Variants in CACNA2D3 observed in about 807,000 individuals in gnomAD.
CACNA2D3 encodes the protein calcium voltage-gated channel auxiliary subunit alpha2delta 3.
In CACNA2D3, 60 loss-of-function variants were observed where a neutral mutation model predicts 160.6. The ratio of observed to expected loss-of-function variants is 0.37; its 90% CI spans 0.30 to 0.46. The LOEUF (loss-of-function observed/expected upper bound fraction) is 0.46. Among genes scored for constraint, CACNA2D3 ranks in the 20% least tolerant of loss-of-function variants. The pLI is 1.00. For missense variants in CACNA2D3, 1,205 were observed against 1,365.0 expected, an observed-to-expected ratio of 0.88 and a Z score of 1.85; for synonymous variants, 558 against 492.9, an observed-to-expected ratio of 1.13 and a Z score of -1.75.
At chr3:55,022,970 TTA>T (rs991213471) in intron 35 of CACNA2D3, among the ~76,000 whole-genome samples, 10 of 152,128 alleles carry the variant, frequency 6.6e-5, no homozygotes, top group South Asian at 2.1e-4. Flanking sequence ...CCTGCATTTT[TTA>T]TATGTTTATA....
At chr3:54,500,470 CATCTTCCTTCCTTCCT>C (rs1311937103) in intron 4 of CACNA2D3, among the ~76,000 whole-genome samples, 3 of 121,844 alleles carry the variant, frequency 2.5e-5, no homozygotes, top group East Asian at 2.5e-4. Context: ...CAGGTCCGTC[CATCTTCCTTCCTTCCT>C]ATCTTCCTTC....
At chr3:54,386,479 T>C (rs1663493521) in intron 3 of CACNA2D3, among the ~76,000 whole-genome samples, 1 of 152,306 alleles carries the variant, frequency 6.6e-6, no homozygotes, top group Non-Finnish European at 1.5e-5. Flanking sequence ...ACGTGTGCAT[T>C]TATAAATGTG....
At chr3:54,687,121 C>CTTTTTCTTTTTCTTTTTCTTTTTTTTTTT in intron 11 of CACNA2D3, among the ~76,000 whole-genome samples, 3 of 94,970 alleles carry the variant, frequency 3.2e-5, no homozygotes, top group African/African-American at 1.2e-4. Context: ...TTTTCTTTTT[C>CTTTTTCTTTTTCTTTTTCTTTTTTTTTTT]TTTTTTTTTT....
At chr3:54,387,252 G>A (rs538903970) in intron 4 of CACNA2D3, among the ~76,000 whole-genome samples, 1 of 152,330 alleles carries the variant, frequency 6.6e-6, no homozygotes, top group South Asian at 2.1e-4. Context: ...ATTTCTTGCA[G>A]TAGATCTTGT....
chr3:54,956,762 T>C (rs1312528636), intron 27 of CACNA2D3, among the ~76,000 whole-genome samples: 2 of 152,146 alleles, frequency 1.3e-5, no homozygotes, highest in African/African-American at 4.8e-5. Context: ...CATTTGAATA[T>C]TTAGATGCAT....
In CACNA2D3 at chr3:54,991,059, G is replaced by A. The variant is rs115978482; in HGVS notation, c.2690+3306G>A. On this transcript the variant is annotated intron_variant, in intron 31 of 37. Transcript: ENST00000474759. Reference sequence around the variant, plus strand: ...GACAGTAATAATCATGGCTGCGTTCGCTGAGCACCCACCAGACTCCAGGCT... The same window carrying A: ...GACAGTAATAATCATGGCTGCGTTCACTGAGCACCCACCAGACTCCAGGCT... Among the ~76,000 whole-genome samples, 1,048 of 152,134 alleles carry A rather than the reference G, an allele frequency of 6.9e-3. 6 individuals are homozygous for A. The highest frequency in any genetic ancestry group is 9.7e-3 in the Non-Finnish European group (662 of 68,010).
In CACNA2D3 at chr3:54,752,871, T is replaced by A. The variant is rs1575458077; in HGVS notation, c.1246+194T>A. 2.0e-5 allele frequency among the ~76,000 whole-genome samples: 3 copies of A among 151,784 alleles called. No homozygotes were observed. The South Asian group carries it at 6.2e-4, about 32-fold the overall frequency. On this transcript the variant is annotated intron_variant, in intron 12 of 37. Transcript: ENST00000474759. The stretch of plus-strand genomic sequence containing the variant: ...TTTTCTGTTCTTTTTTTTTTTATTT[T>A]TTTTTTGTGGACAGAATCTTGCTCT...
At chr3:54,680,374 C>T (rs968117788) in intron 11 of CACNA2D3, among the ~76,000 whole-genome samples, 3 of 152,170 alleles carry the variant, frequency 2.0e-5, no homozygotes, top group African/African-American at 7.2e-5. Context: ...TATATGTTTG[C>T]AAGTTTCTGA....
intron 27 of CACNA2D3, among the ~76,000 whole-genome samples, chr3:54,950,957 C>G (rs115411031): frequency 0.011 from 1,599 of 152,196 alleles, 36 homozygotes; most frequent in African/African-American, 0.036. Context: ...GAAACTGAAG[C>G]CAGGACAGTC....
At chr3:54,440,601 A>G (rs1300820714) in intron 4 of CACNA2D3, among the ~76,000 whole-genome samples, 3 of 151,808 alleles carry the variant, frequency 2.0e-5, no homozygotes, top group African/African-American at 7.3e-5. Context: ...TCGTCATTTA[A>G]CATTAGGTAT....
rs528211805 is a variant in CACNA2D3 at position 54,320,616 on chromosome 3, G to T, written c.321+58G>T. ...TGAAGGCACAAAGGCAGCTTCAGGGGATGGCATTGATGAACCAATCTCTCA... is the reference window on the plus strand; with the variant it reads ...TGAAGGCACAAAGGCAGCTTCAGGGTATGGCATTGATGAACCAATCTCTCA... On this transcript the variant is annotated intron_variant, in intron 3 of 37. Transcript: ENST00000474759. 338 of 773,310 alleles carry T rather than the reference G, an allele frequency of 4.4e-4. 6 individuals carry two copies. In the South Asian group the frequency reaches 6.0e-3, roughly 14 times the overall value. 47.9% of individuals were successfully genotyped at this position (773,310 alleles called of 1,614,324 possible).
At chr3:55,043,286 C>T (rs979937619) in intron 35 of CACNA2D3, among the ~76,000 whole-genome samples, 2 of 150,334 alleles carry the variant, frequency 1.3e-5, no homozygotes, top group Admixed American at 6.6e-5. Flanking sequence ...TTATTCATTC[C>T]TTCCTTCCTT....
At chr3:54,697,581 C>T (rs1032262989) in intron 11 of CACNA2D3, among the ~76,000 whole-genome samples, 3 of 152,192 alleles carry the variant, frequency 2.0e-5, no homozygotes, top group Non-Finnish European at 4.4e-5. Context: ...TTTCCTCTCT[C>T]CTGTTTCTTC....
chr3:54,330,451 C>T (rs1469460980), intron 3 of CACNA2D3, among the ~76,000 whole-genome samples: 1 of 152,090 alleles, frequency 6.6e-6, no homozygotes, highest in African/African-American at 2.4e-5. Context: ...TCATAGACAG[C>T]CCCACTCCAG....
At chr3:54,555,890 A>G (rs543531876) in intron 5 of CACNA2D3, among the ~76,000 whole-genome samples, 1 of 152,364 alleles carries the variant, frequency 6.6e-6, no homozygotes, top group African/African-American at 2.4e-5. Context: ...ATTTTAATCC[A>G]ACTTAGTGCA....
intron 2 of CACNA2D3, among the ~76,000 whole-genome samples, chr3:54,165,600 TAAAAAAAAA>T (rs373085382): frequency 1.1e-5 from 1 of 93,428 alleles, no homozygotes; most frequent in Non-Finnish European, 2.2e-5. Context: ...GTTCCATCTC[TAAAAAAAAA>T]AAAAAAAAAA....
intron 2 of CACNA2D3, among the ~76,000 whole-genome samples, chr3:54,196,433 C>T (rs535484406): frequency 4.6e-5 from 7 of 152,106 alleles, no homozygotes; most frequent in Admixed American, 3.9e-4. Flanking sequence ...ACAGGGAAGC[C>T]GTTAAGTTAA....
Position 55,074,399 on chromosome 3 carries a change from T to TA in CACNA2D3, c.*193_*194insA, listed in dbSNP as rs1182050270. On this transcript the variant is annotated 3_prime_UTR_variant, in exon 38 of 38. Transcript: ENST00000474759. ...GTTGACAAAAAGTTATCTATCATCT[T>TA]TTTACTTTGCCAGTCATGCAAATGT... The TA allele has an allele frequency of 1.4e-5, 8 of 574,390 alleles. No individual in the cohort carries two copies. The highest frequency in any genetic ancestry group is 2.2e-5 in the Non-Finnish European group (7 of 321,780). 35.6% of individuals were successfully genotyped at this position (574,390 alleles called of 1,614,324 possible). A position where few individuals can be genotyped will look rare whatever the true frequency, so the allele number is the denominator to read the frequency against.
chr3:54,661,515 T>C (rs1055408364), intron 11 of CACNA2D3, among the ~76,000 whole-genome samples: 2 of 152,146 alleles, frequency 1.3e-5, no homozygotes, highest in African/African-American at 4.8e-5. Context: ...ACTGACTCTT[T>C]CCCTTCCTCT....
Sources: allele counts gnomAD v4.1 joint callset (sites outside exome capture counted in the v4.1 genomes callset), GRCh38; gene constraint gnomAD v4.1.1; transcripts MANE v1.5; gene names NCBI Gene and HGNC (gene_info 2026-07-23, HGNC 2026-07-21).